Variants in CDHR2 observed in about 807,000 individuals in gnomAD.
The protein encoded by CDHR2 is cadherin-related family member 2.
In CDHR2, 104 loss-of-function variants were observed where a neutral mutation model predicts 138.6. That is an observed-to-expected ratio of 0.75 (90% CI 0.64 to 0.88). The LOEUF (loss-of-function observed/expected upper bound fraction) is 0.88, where lower values mean the gene tolerates loss of function less well. Among genes scored for constraint, CDHR2 ranks in the 40% least tolerant of loss-of-function variants. The probability of loss-of-function intolerance (pLI) is 0.00; values close to 1 mark genes in which losing one functional copy is unlikely to be tolerated. For missense variants in CDHR2, 1,624 were observed against 1,727.6 expected, an observed-to-expected ratio of 0.94 and a Z score of 1.06; for synonymous variants, 755 against 742.8, an observed-to-expected ratio of 1.02 and a Z score of -0.27.
chr5:176,547,670 C>G (rs1167932161), upstream of CDHR2: 1 of 152,292 alleles, frequency 6.6e-6, no homozygotes, highest in African/African-American at 2.4e-5. Flanking sequence ...TCAAGCCATC[C>G]TACTGCTGCA....
At chr5:176,561,909 G>A (rs1321834627) in intron 1 of CDHR2, among the ~76,000 whole-genome samples, 1 of 152,148 alleles carries the variant, frequency 6.6e-6, no homozygotes, top group Non-Finnish European at 1.5e-5. Context: ...CAAAGTGCTG[G>A]GATTACAGGC....
intron 19 of CDHR2, among the ~76,000 whole-genome samples, chr5:176,585,514 T>TG (rs1215779763): frequency 6.6e-6 from 1 of 152,244 alleles, no homozygotes; most frequent in Non-Finnish European, 1.5e-5. Flanking sequence ...ATGAGGAAAC[T>TG]GAGGCAGAAA....
In CDHR2 at chr5:176,591,006, G is replaced by A. The variant is rs181569398; in HGVS notation, c.3540-204G>A. On this transcript the variant is annotated intron_variant, in intron 28 of 31. Coordinates refer to ENST00000261944, the MANE Select transcript of CDHR2 (RefSeq NM_017675.6). The stretch of plus-strand genomic sequence containing the variant: ...TCCAACATGTATAGAGTCAGCAGCC[G>A]TATCTGGGCTTGACTTCAAGCCTTG... Among the ~76,000 whole-genome samples, 8 of 152,364 alleles carry A rather than the reference G, an allele frequency of 5.3e-5. No homozygotes were observed. The East Asian group carries it at 1.3e-3, about 26-fold the overall frequency.
At chr5:176,559,082 C>T (rs76277542) in intron 1 of CDHR2, among the ~76,000 whole-genome samples, 12,314 of 152,160 alleles carry the variant, frequency 0.081, 608 homozygotes, top group South Asian at 0.16. Context: ...TATAACATGG[C>T]GGCCTCAGGG....
At chr5:176,554,519 G>A (rs764702493) in intron 1 of CDHR2, among the ~76,000 whole-genome samples, 1 of 152,190 alleles carries the variant, frequency 6.6e-6, no homozygotes, top group Non-Finnish European at 1.5e-5. Context: ...CTTAGAGAAG[G>A]GCAGTGAACT....
intron 7 of CDHR2, among the ~76,000 whole-genome samples, chr5:176,574,496 G>C (rs983402156): frequency 2.0e-5 from 3 of 152,208 alleles, no homozygotes; most frequent in Non-Finnish European, 2.9e-5. Context: ...CATTTACCGA[G>C]CACCAACCAC....
chr5:176,557,686 T>C (rs867657800), intron 1 of CDHR2, among the ~76,000 whole-genome samples: 107 of 136,942 alleles, frequency 7.8e-4, no homozygotes, highest in African/African-American at 1.9e-3. Flanking sequence ...GTTGATTTTT[T>C]TTTCTTTCTT....
At chr5:176,590,735 C>T in intron 28 of CDHR2, 48 bp downstream of exon 28, 1 of 1,610,812 alleles carries the variant, frequency 6.2e-7, no homozygotes, top group Non-Finnish European at 8.5e-7. Context: ...CCTCTCCCAC[C>T]ACCCAAGACG....
intron 6 of CDHR2, among the ~76,000 whole-genome samples, chr5:176,572,210 C>T (rs1289046380): frequency 7.0e-6 from 1 of 142,344 alleles, no homozygotes; most frequent in Admixed American, 7.0e-5. Flanking sequence ...ATGGAGAAAC[C>T]CCGTCTCTAC....
chr5:176,589,449 G>A lies in CDHR2; in HGVS notation c.3117+11G>A, dbSNP rs1319808682. 5.6e-6 allele frequency: 9 copies of A among 1,608,940 alleles called. No individual in the cohort carries two copies. The highest frequency in any genetic ancestry group is 7.6e-6 in the Non-Finnish European group (9 of 1,176,616). On this transcript the variant is annotated intron_variant, in intron 23 of 31. Coordinates refer to ENST00000261944, the MANE Select transcript of CDHR2 (RefSeq NM_017675.6). ...ACCACCACCCTGAATGTGAGTGCTG[G>A]TCCCACCTCCAGCCCCCAACGCCCT...
At chr5:176,558,255 G>A (rs184204700) in intron 1 of CDHR2, among the ~76,000 whole-genome samples, 5,255 of 138,448 alleles carry the variant, frequency 0.038, 112 homozygotes, top group Middle Eastern at 0.087. Context: ...TCACTCTGTC[G>A]CCCAGGCTGG....
At chr5:176,582,731 A>C (rs1057450086) in intron 17 of CDHR2, among the ~76,000 whole-genome samples, 1 of 152,188 alleles carries the variant, frequency 6.6e-6, no homozygotes, top group Non-Finnish European at 1.5e-5. Context: ...GCGGTGAGCT[A>C]TGATCATGCC....
At chr5:176,579,908 G>T (rs1037685431) in intron 16 of CDHR2, among the ~76,000 whole-genome samples, 2 of 152,188 alleles carry the variant, frequency 1.3e-5, no homozygotes, top group African/African-American at 4.8e-5. Flanking sequence ...CAGTCACCCA[G>T]CGGTGTCACC....
At chr5:176,549,686 T>A (rs978371938) in intron 1 of CDHR2, among the ~76,000 whole-genome samples, 1 of 152,124 alleles carries the variant, frequency 6.6e-6, no homozygotes, top group East Asian at 1.9e-4. Flanking sequence ...CTTCAGAGGA[T>A]GGAAGGGAGG....
intron 5 of CDHR2, among the ~76,000 whole-genome samples, chr5:176,569,829 A>G (rs10073208): frequency 0.24 from 37,039 of 151,908 alleles, 4,794 homozygotes; most frequent in East Asian, 0.48. Context: ...GCATGGTGGT[A>G]CACGCTTGTA....
chr5:176,569,369 C>T (rs1465215693), intron 5 of CDHR2, among the ~76,000 whole-genome samples: 27 of 151,492 alleles, frequency 1.8e-4, no homozygotes, highest in Admixed American at 4.6e-4. Context: ...CTGCAAGCTC[C>T]GCCTCCTGGG....
At chr5:176,548,125 G>C (rs532613591), upstream of CDHR2, among the ~76,000 whole-genome samples, 1 of 152,192 alleles carries the variant, frequency 6.6e-6, no homozygotes, top group Non-Finnish European at 1.5e-5. Flanking sequence ...TAACACAGGG[G>C]TAAGTATTTG....
rs35355598 is a variant in CDHR2 at position 176,589,138 on chromosome 5, G to A, written c.2964G>A (p.Ser988=). The change falls in exon 22 of 32, where the codon TCG becomes TCA. Residue 988 remains serine (S), a synonymous_variant. Transcript: ENST00000261944. ...GATIPFQGVF[S]IFTSSEADVF... ...CCATCCCTTTCCAGGGTGTCTTCTC[G>A]ATCTTCACCTCCTCCGAGGCCGACG... 9.9e-6 allele frequency: 16 copies of A among 1,613,996 alleles called. No individual in the cohort carries two copies. In the Admixed American group the frequency reaches 1.7e-4, roughly 17 times the overall value.
In CDHR2 at chr5:176,575,795, G is replaced by C. The variant is rs1372915902; in HGVS notation, c.916G>C (p.Glu306Gln). The C allele has an allele frequency of 2.2e-5, 34 of 1,558,430 alleles. No individual in the cohort carries two copies. Among genetic ancestry groups the C allele is most frequent in the Admixed American group, 2.1e-4 (11 of 51,878 alleles). ...CAGGGTCAACGGCTCCCTGGACCGT[G>C]AGCAGCTGCTGGAGGCGGATGAGGA... The part of the protein sequence containing the change: ...VIRVNGSLDR[E>Q]QLLEADEEVQ... Residue 306 changes from glutamate (E) to glutamine (Q), a missense_variant, in exon 11 of 32, where the codon GAG (glutamate) becomes CAG (glutamine). By Grantham distance (29) the Glu-to-Gln change is conservative. Transcript: ENST00000261944.
Sources: allele counts gnomAD v4.1 joint callset (sites outside exome capture counted in the v4.1 genomes callset), GRCh38; gene constraint gnomAD v4.1.1; transcripts MANE v1.5; gene names NCBI Gene and HGNC (gene_info 2026-07-23, HGNC 2026-07-21).